Variants in LBR observed in about 807,000 individuals in gnomAD.
LBR encodes lamin B receptor, also known as delta(14)-sterol reductase LBR.
A neutral mutation model predicts 74.3 loss-of-function variants in LBR; 28 were observed. That is an observed-to-expected ratio of 0.38 (90% CI 0.28 to 0.52). The LOEUF (loss-of-function observed/expected upper bound fraction) is 0.52. Ranked by LOEUF, LBR falls within the 20% of genes least tolerant of loss-of-function variation. The probability of loss-of-function intolerance (pLI) is 0.89; values close to 1 mark genes in which losing one functional copy is unlikely to be tolerated. For missense variants in LBR, 717 were observed against 760.3 expected, an observed-to-expected ratio of 0.94 and a Z score of 0.67; for synonymous variants, 228 against 269.3, an observed-to-expected ratio of 0.85 and a Z score of 1.50.
intron 8 of LBR, among the ~76,000 whole-genome samples, chr1:225,412,044 A>G (rs1037516057): frequency 2.0e-5 from 3 of 152,222 alleles, no homozygotes; most frequent in Non-Finnish European, 4.4e-5. Flanking sequence ...TCCTGACCTC[A>G]GGTGATCCAC....
chr1:225,421,763 T>G (rs2096127796), intron 3 of LBR, among the ~76,000 whole-genome samples: 1 of 152,244 alleles, frequency 6.6e-6, no homozygotes, highest in South Asian at 2.1e-4. Context: ...TACCATTTCA[T>G]ACATGATATG....
At chr1:225,419,039 A>T (rs1314607161) in intron 5 of LBR, among the ~76,000 whole-genome samples, 1 of 152,236 alleles carries the variant, frequency 6.6e-6, no homozygotes, top group Non-Finnish European at 1.5e-5. Context: ...AGTTTTAAAC[A>T]CAGCTACAAT....
At position 225,401,655 on chromosome 1, in the gene LBR, A is replaced by G. The variant is rs1160818466; in HGVS notation, c.*1648T>C. 1 of 152,250 alleles carries G rather than the reference A, an allele frequency of 6.6e-6. No individual in the cohort carries two copies. Among genetic ancestry groups the G allele is most frequent in the Non-Finnish European group, 1.5e-5 (1 of 68,042 alleles). The allele number at this position is 152,250 out of a possible 1,614,324, so 9.4% of individuals were successfully genotyped here. On this transcript the variant is annotated 3_prime_UTR_variant, in exon 14 of 14. Coordinates refer to ENST00000272163, the MANE Select transcript of LBR (RefSeq NM_002296.4). The stretch of plus-strand genomic sequence containing the variant: ...TAAAGGGCTCTTTTCATTACCAGGG[A>G]AAGAATTTAATGTCCTTCCTTCCTC...
Position 225,412,448 on chromosome 1 carries a change from G to A in LBR, c.1084+6C>T, listed in dbSNP as rs376975279. 1.2e-6 allele frequency: 2 copies of A among 1,613,672 alleles called. No individual in the cohort carries two copies. Among genetic ancestry groups the A allele is most frequent in the Non-Finnish European group, 1.7e-6 (2 of 1,179,794 alleles). On this transcript the variant is annotated splice_donor_region_variant and intron_variant, in intron 8 of 13. Transcript: ENST00000272163. ...TTCATCCAACATGCAATTCATCACTGCTCACCAGAGCTGGCAGGCGACAGG... is the reference window on the plus strand; with the variant it reads ...TTCATCCAACATGCAATTCATCACTACTCACCAGAGCTGGCAGGCGACAGG...
At chr1:225,411,213 G>A in intron 9 of LBR, 124 bp downstream of exon 9, 1 of 769,358 alleles carries the variant, frequency 1.3e-6, no homozygotes, top group Non-Finnish European at 2.4e-6. Context: ...ATAGATTTAT[G>A]GAAAGCCATA....
At chr1:225,423,467 GCTGA>G (rs1338844574) in intron 2 of LBR, among the ~76,000 whole-genome samples, 8 of 151,992 alleles carry the variant, frequency 5.3e-5, no homozygotes, top group South Asian at 2.1e-4. Flanking sequence ...CCAGCACTTG[GCTGA>G]CTGTGTCCCC....
chr1:225,424,624 TA>T (rs1291134040), intron 1 of LBR, among the ~76,000 whole-genome samples: 1 of 152,176 alleles, frequency 6.6e-6, no homozygotes, highest in Non-Finnish European at 1.5e-5. Flanking sequence ...TTTCAACTCT[TA>T]CAGCTAAAGT....
chr1:225,406,966 G>T, intron 10 of LBR, 134 bp from the exon 11 acceptor site: 1 of 797,908 alleles, frequency 1.3e-6, no homozygotes, highest in Non-Finnish European at 2.1e-6. Context: ...TTAAAGGGGA[G>T]AGAGATCTGG....
At chr1:225,408,206 C>T (rs1486527428) in intron 10 of LBR, among the ~76,000 whole-genome samples, 1 of 152,218 alleles carries the variant, frequency 6.6e-6, no homozygotes, top group African/African-American at 2.4e-5. Context: ...ACCCTTCCCA[C>T]CTTCCCATAT....
rs1558656387 is a variant in LBR, at chr1:225,419,472, A to C, written c.451-20T>G. ...TTTTTCCTAAATGAAAAATTTAAAA[A>C]TTAAATATCTGCAGTGAACAATTAC... is the stretch of plus-strand genomic sequence containing the variant. On this transcript the variant is annotated intron_variant, in intron 4 of 13. Transcript: ENST00000272163. 6.5e-7 allele frequency: 1 copy of C among 1,544,230 alleles called. No individual in the cohort carries two copies. The highest frequency in any genetic ancestry group is 8.9e-7 in the Non-Finnish European group (1 of 1,117,562).
chr1:225,425,720 G>A (rs920236588), intron 1 of LBR, among the ~76,000 whole-genome samples: 2 of 150,772 alleles, frequency 1.3e-5, no homozygotes, highest in Non-Finnish European at 3.0e-5. Flanking sequence ...TCCTCCCTAG[G>A]CCCCCCAAAA....
intron 3 of LBR, among the ~76,000 whole-genome samples, chr1:225,421,224 T>C (rs1374681705): frequency 6.6e-6 from 1 of 152,258 alleles, no homozygotes; most frequent in Admixed American, 6.5e-5. Context: ...CCGGGCGCAG[T>C]GGCTCACGCC....
chr1:225,404,774 A>T, intron 11 of LBR, 68 bp from the exon 12 acceptor site: 1 of 1,128,194 alleles, frequency 8.9e-7, no homozygotes, highest in Non-Finnish European at 1.3e-6. Flanking sequence ...AGCATCTGTA[A>T]TTTCTCTTAA....
rs2096093254 is a variant in LBR at position 225,406,965 on chromosome 1, A to C, written c.1315-133T>G. 1.6e-5 allele frequency: 13 copies of C among 817,886 alleles called. No individual in the cohort carries two copies. The South Asian group carries it at 1.8e-4, about 12-fold the overall frequency. 50.7% of individuals were successfully genotyped at this position (817,886 alleles called of 1,614,324 possible). A position where few individuals can be genotyped will look rare whatever the true frequency, so the allele number is the denominator to read the frequency against. On this transcript the variant is annotated intron_variant, in intron 10 of 13. Transcript: ENST00000272163. ...AATCAACATTTTTTTGTTAAAGGGG[A>C]GAGAGATCTGGTTCCCCTGGCCTGC... is the stretch of plus-strand genomic sequence containing the variant.
rs200288588 is a variant in LBR at position 225,419,304 on chromosome 1, G to T, written c.599C>A (p.Thr200Asn). ...CTCCAAGTCCTTTGCCCGGATGGGG[G>T]TCACTTCAAAGGTTCTCACTGCCAG... ...KELAVRTFEV[T>N]PIRAKDLEFG... Residue 200 changes from threonine to asparagine, a missense_variant, in exon 5 of 14, where the codon ACC (threonine) becomes AAC (asparagine). Physicochemically the swap from Thr to Asn is moderately conservative, Grantham distance 65. Transcript: ENST00000272163. 8.7e-6 allele frequency: 14 copies of T among 1,614,184 alleles called. No individual in the cohort carries two copies. In the East Asian group the frequency reaches 2.7e-4, roughly 31 times the overall value.
At chr1:225,417,311 T>C (rs2096119188) in intron 6 of LBR, among the ~76,000 whole-genome samples, 1 of 152,196 alleles carries the variant, frequency 6.6e-6, no homozygotes. Flanking sequence ...AAGAATAAGA[T>C]CTTTAAATAA....
chr1:225,403,438 G>C lies in LBR; in HGVS notation c.1713C>G (p.Phe571Leu), dbSNP rs897450329. The change falls in exon 14 of 14, where the codon TTC becomes TTG. Residue 571 changes from phenylalanine to leucine, a missense_variant. Physicochemically the swap from Phe to Leu is conservative, Grantham distance 22 (BLOSUM62 0). Coordinates refer to ENST00000272163, the MANE Select transcript of LBR (RefSeq NM_002296.4). Reference protein sequence around the residue: ...PCGFNHILPYFYIIYFTMLLV... With the variant: ...PCGFNHILPYLYIIYFTMLLV... ...GCAACATGGTGAAATAAATTATGTA[G>C]AAATAAGGCAGAATGTGGTTAAAAC... 1 of 1,612,304 alleles carries C rather than the reference G, an allele frequency of 6.2e-7. No homozygotes were observed. The highest frequency in any genetic ancestry group is 8.5e-7 in the Non-Finnish European group (1 of 1,178,500).
intron 5 of LBR, 61 bp downstream of exon 5, chr1:225,419,202 T>C (rs2096122911): frequency 5.9e-6 from 9 of 1,529,474 alleles, no homozygotes; most frequent in Middle Eastern, 1.8e-4. Flanking sequence ...CCAGTTCACC[T>C]TGTGGCAACC....
intron 10 of LBR, among the ~76,000 whole-genome samples, chr1:225,407,543 T>C (rs1034311811): frequency 6.6e-6 from 1 of 152,170 alleles, no homozygotes; most frequent in African/African-American, 2.4e-5. Context: ...GTGATTTGGT[T>C]AGCATGAGCC....
Sources: allele counts gnomAD v4.1 joint callset (sites outside exome capture counted in the v4.1 genomes callset), GRCh38; gene constraint gnomAD v4.1.1; transcripts MANE v1.5; gene names NCBI Gene and HGNC (gene_info 2026-07-23, HGNC 2026-07-21).